KCNQ3: variants seen among roughly 807,000 people sequenced by gnomAD.
KCNQ3 encodes potassium voltage-gated channel subfamily KQT member 3.
KCNQ3 carries 30 observed loss-of-function variants against 92.5 expected under a neutral mutation model. The ratio of observed to expected loss-of-function variants is 0.32; its 90% CI spans 0.24 to 0.44. The LOEUF (loss-of-function observed/expected upper bound fraction) is 0.44. Among genes scored for constraint, KCNQ3 ranks in the 20% least tolerant of loss-of-function variants. KCNQ3 has a pLI of 1.00. For synonymous variants in KCNQ3, 450 were observed against 468.8 expected (o/e 0.96, Z 0.52); for missense variants, 913 against 1,140.3 (o/e 0.80, Z 2.87).
chr8:132,316,727 T>C (rs1481336995), intron 1 of KCNQ3, among the ~76,000 whole-genome samples: 1 of 152,226 alleles, frequency 6.6e-6, no homozygotes, highest in East Asian at 1.9e-4. Flanking sequence ...TCACTTTAAG[T>C]TAATAATAAT....
intron 8 of KCNQ3, among the ~76,000 whole-genome samples, chr8:132,164,506 C>T (rs1239049686): frequency 6.6e-6 from 1 of 152,094 alleles, no homozygotes; most frequent in Non-Finnish European, 1.5e-5. Context: ...TTAAGAATTT[C>T]TGCTTTGAGG....
At chr8:132,315,590 A>T (rs1455777481) in intron 1 of KCNQ3, among the ~76,000 whole-genome samples, 1 of 152,120 alleles carries the variant, frequency 6.6e-6, no homozygotes, top group Non-Finnish European at 1.5e-5. Context: ...CCCCCTCCCC[A>T]ACTTTCGGGT....
chr8:132,186,845 C>T (rs1446505815), intron 1 of KCNQ3, among the ~76,000 whole-genome samples: 5 of 151,896 alleles, frequency 3.3e-5, no homozygotes. Flanking sequence ...CATGACCAGG[C>T]TCAGGCAGGA....
intron 1 of KCNQ3, among the ~76,000 whole-genome samples, chr8:132,295,544 A>G (rs529352017): frequency 2.6e-5 from 4 of 152,368 alleles, no homozygotes; most frequent in South Asian, 2.1e-4. Flanking sequence ...CGTATACCCA[A>G]AGGAATATAA....
At chr8:132,382,452 T>G (rs547104658) in intron 1 of KCNQ3, among the ~76,000 whole-genome samples, 125 of 152,296 alleles carry the variant, frequency 8.2e-4, no homozygotes, top group Non-Finnish European at 1.6e-3. Context: ...TTCCTGAGGC[T>G]TCACCGAAGC....
chr8:132,445,001 T>C (rs1165097648), intron 1 of KCNQ3, among the ~76,000 whole-genome samples: 1 of 152,118 alleles, frequency 6.6e-6, no homozygotes, highest in East Asian at 1.9e-4. Context: ...TTCAGGGTAG[T>C]AATATGGGCT....
Position 132,137,977 on chromosome 8 carries a change from C to T in KCNQ3, c.1608G>A (p.Glu536=). The change falls in exon 12 of 15, where the codon GAG becomes GAA. Residue 536 remains glutamate (E), a synonymous_variant. Coordinates refer to ENST00000388996, the MANE Select transcript of KCNQ3 (RefSeq NM_004519.4). ...CCTTCACATCGTAAGGCCTCAAAGT[C>T]TCCTTGAATTTTTTTTTATAGAGAC... ...QFRLYKKKFK[E]TLRPYDVKDV... is the part of the protein sequence containing the mutation. 6.2e-7 allele frequency: 1 copy of T among 1,613,294 alleles called. No homozygotes were observed. Among genetic ancestry groups the T allele is most frequent in the Non-Finnish European group, 8.5e-7 (1 of 1,179,954 alleles).
intron 1 of KCNQ3, among the ~76,000 whole-genome samples, chr8:132,381,513 C>T (rs1437251032): frequency 6.6e-6 from 1 of 152,170 alleles, no homozygotes; most frequent in East Asian, 1.9e-4. Context: ...AATTCTAGAA[C>T]TGTTATGCTG....
At chr8:132,323,756 A>T (rs1337060306) in intron 1 of KCNQ3, among the ~76,000 whole-genome samples, 1 of 152,086 alleles carries the variant, frequency 6.6e-6, no homozygotes, top group Non-Finnish European at 1.5e-5. Context: ...CCCCATTCTC[A>T]GGTAAGCCAT....
chr8:132,250,468 A>ATT (rs1245521517), intron 1 of KCNQ3, among the ~76,000 whole-genome samples: 4 of 152,144 alleles, frequency 2.6e-5, no homozygotes, highest in African/African-American at 9.7e-5. Flanking sequence ...GTGTGTCGTT[A>ATT]TTATTTTATA....
chr8:132,173,931 A>G (rs1000973325), intron 6 of KCNQ3, among the ~76,000 whole-genome samples: 2 of 152,254 alleles, frequency 1.3e-5, no homozygotes, highest in Non-Finnish European at 2.9e-5. Flanking sequence ...AGGCAGATCT[A>G]GAAATGTGTA....
chr8:132,309,157 C>T (rs1018412964), intron 1 of KCNQ3, among the ~76,000 whole-genome samples: 9 of 152,192 alleles, frequency 5.9e-5, no homozygotes, highest in African/African-American at 1.9e-4. Flanking sequence ...ATGCCGGATG[C>T]TTCCTGCCCT....
At chr8:132,477,592 C>T (rs1822444502) in intron 1 of KCNQ3, among the ~76,000 whole-genome samples, 2 of 152,196 alleles carry the variant, frequency 1.3e-5, no homozygotes, top group Admixed American at 6.5e-5. Context: ...ATATTAGGAG[C>T]TCAATGGGAA....
chr8:132,302,321 A>G (rs965326047), intron 1 of KCNQ3, among the ~76,000 whole-genome samples: 1 of 152,344 alleles, frequency 6.6e-6, no homozygotes, highest in Admixed American at 6.5e-5. Context: ...TCTTCTACTG[A>G]AAGAAAAAGG....
intron 1 of KCNQ3, among the ~76,000 whole-genome samples, chr8:132,379,072 C>A (rs1411042076): frequency 4.6e-5 from 7 of 152,194 alleles, no homozygotes; most frequent in Non-Finnish European, 8.8e-5. Context: ...CAGAAGTCCC[C>A]TGCATTTTGG....
chr8:132,471,314 T>A (rs902577350), intron 1 of KCNQ3, among the ~76,000 whole-genome samples: 2 of 152,146 alleles, frequency 1.3e-5, no homozygotes, highest in Non-Finnish European at 2.9e-5. Context: ...GCCAGTTCAG[T>A]AGCTTTAAGA....
chr8:132,408,015 G>C (rs2130793474), intron 1 of KCNQ3, among the ~76,000 whole-genome samples: 1 of 152,244 alleles, frequency 6.6e-6, no homozygotes, highest in East Asian at 1.9e-4. Context: ...AAATGAGTGA[G>C]TGCATAAATT....
chr8:132,192,084 C>T (rs1827178406), intron 1 of KCNQ3, among the ~76,000 whole-genome samples: 1 of 152,102 alleles, frequency 6.6e-6, no homozygotes, highest in Admixed American at 6.5e-5. Flanking sequence ...TTTCAGCTCT[C>T]GTTGTCTGCT....
intron 8 of KCNQ3, among the ~76,000 whole-genome samples, chr8:132,166,012 G>A (rs900475671): frequency 6.6e-6 from 1 of 152,122 alleles, no homozygotes; most frequent in African/African-American, 2.4e-5. Context: ...TCTTGACCCT[G>A]GTCGTAAAAG....
Sources: allele counts gnomAD v4.1 joint callset (sites outside exome capture counted in the v4.1 genomes callset), GRCh38; gene constraint gnomAD v4.1.1; transcripts MANE v1.5; gene names NCBI Gene and HGNC (gene_info 2026-07-23, HGNC 2026-07-21).